Variants in HEPH observed in about 807,000 individuals in gnomAD.
HEPH encodes hephaestin.
Under a neutral mutation model 80.8 loss-of-function variants are expected in HEPH, and 69 were observed. The observed-to-expected ratio is 0.85, with a 90% CI of 0.70 to 1.04. HEPH has a LOEUF of 1.04. HEPH is among the 50% of genes least tolerant of loss of function. The pLI is 0.00. For missense variants in HEPH, 1,115 were observed against 891.3 expected, an observed-to-expected ratio of 1.25 and a Z score of -3.20; for synonymous variants, 431 against 322.8, an observed-to-expected ratio of 1.34 and a Z score of -3.60.
chrX:66,200,182 G>A (rs182925936), intron 11 of HEPH, among the ~76,000 whole-genome samples: 1 of 107,181 alleles, frequency 9.3e-6, no homozygotes, highest in Non-Finnish European at 1.9e-5. Context: ...GGACCAGAAA[G>A]TATGTTGCCA....
chrX:66,197,905 G>T lies in HEPH; in HGVS notation c.1713+11G>T. On this transcript the variant is annotated intron_variant, in intron 10 of 20. Transcript: ENST00000343002. Reference sequence around the variant, plus strand: ...GCAGATGGCAAGCAGGTATTGTCAGGGTTATCTGGCTGGAAAGCCTGCTGG... The same window carrying T: ...GCAGATGGCAAGCAGGTATTGTCAGTGTTATCTGGCTGGAAAGCCTGCTGG... 1 of 1,178,545 alleles carries T rather than the reference G, an allele frequency of 8.5e-7. No individual in the cohort carries two copies. Among genetic ancestry groups the T allele is most frequent in the Non-Finnish European group, 1.1e-6 (1 of 876,349 alleles).
Position 66,256,275 on chromosome X carries a change from T to G in HEPH, c.2841T>G (p.Asp947Glu). Reference protein sequence around the residue: ...EENVATHGSQDPGSINLQDET... With the variant: ...EENVATHGSQEPGSINLQDET... ...ATGTGGCAACCCATGGGTCCCAGGA[T>G]CCAGGCAGTATTAACCTACAGGATG... The change falls in exon 17 of 21, where the codon GAT becomes GAG. Residue 947 changes from aspartate (D) to glutamate (E), a missense_variant. Asp to Glu is a conservative substitution (Grantham distance 45, BLOSUM62 2). Around this residue, in one of 3 missense-constraint regions of HEPH, gnomAD observed 716 missense variants for 523.5 expected, o/e 1.37. Transcript: ENST00000343002. 8.3e-7 allele frequency: 1 copy of G among 1,211,105 alleles called. No homozygotes were observed. The highest frequency in any genetic ancestry group is 1.1e-6 in the Non-Finnish European group (1 of 895,001).
intron 16 of HEPH, 142 bp from the exon 17 acceptor site, chrX:66,255,962 TG>T: frequency 4.5e-6 from 2 of 446,129 alleles, no homozygotes; most frequent in Non-Finnish European, 7.8e-6. Flanking sequence ...AATAACATAG[TG>T]GGGTACTTAT....
intron 15 of HEPH, among the ~76,000 whole-genome samples, chrX:66,229,376 T>C (rs1331617750): frequency 9.0e-6 from 1 of 111,715 alleles, no homozygotes; most frequent in Admixed American, 9.5e-5. Flanking sequence ...TCGTATATTC[T>C]CACTCATAAG....
chrX:66,199,103 A>T, intron 11 of HEPH, 75 bp downstream of exon 11: 1 of 1,005,668 alleles, frequency 9.9e-7, no homozygotes, highest in Admixed American at 2.4e-5. Context: ...AATCATGACC[A>T]ATCCTGAAAA....
chrX:66,203,670 G>T (rs1260748731), intron 13 of HEPH, 93 bp downstream of exon 13: 2 of 764,830 alleles, frequency 2.6e-6, no homozygotes, highest in Non-Finnish European at 3.8e-6. Flanking sequence ...TCTTATCTCA[G>T]GTCTCCTAAT....
chrX:66,235,973 T>G lies in HEPH; in HGVS notation c.2564-19062T>G, dbSNP rs747291423. Among the ~76,000 whole-genome samples, 5 of 112,321 alleles carry G rather than the reference T, an allele frequency of 4.5e-5. No homozygotes were observed. In the South Asian group the frequency reaches 1.9e-3, roughly 42 times the overall value. On this transcript the variant is annotated intron_variant, in intron 15 of 20. Transcript: ENST00000343002. ...AATGCTAGTGATTTTCCTGAGACTT[T>G]GCTGAAGTTGCTTATCAGCTTAAGA... is the stretch of plus-strand genomic sequence containing the variant.
chrX:66,221,780 A>G lies in HEPH; in HGVS notation c.2563+13534A>G, dbSNP rs139056315. ...TGGTTGTAATAGATGTAGTTTATCC[A>G]ATTTACATTTTTATTAACTGTCACC... On this transcript the variant is annotated intron_variant, in intron 15 of 20. Coordinates refer to ENST00000343002, the MANE Select transcript of HEPH (RefSeq NM_001367233.3). Among the ~76,000 whole-genome samples the G allele has an allele frequency of 3.7e-3, 421 of 112,758 alleles. 4 individuals carry two copies. The highest frequency in any genetic ancestry group is 0.013 in the African/African-American group (399 of 31,055).
chrX:66,247,733 A>C (rs1259919244), intron 15 of HEPH, among the ~76,000 whole-genome samples: 1 of 111,395 alleles, frequency 9.0e-6, no homozygotes, highest in Non-Finnish European at 1.9e-5. Context: ...AACTTTTCTC[A>C]AGGCTTGTTT....
At chrX:66,201,178 CCT>C (rs1209844625) in intron 12 of HEPH, among the ~76,000 whole-genome samples, 3 of 109,540 alleles carry the variant, frequency 2.7e-5, no homozygotes, top group Non-Finnish European at 5.7e-5. Context: ...CTGATCTCTC[CCT>C]CTCTCTTTCT....
chrX:66,227,841 A>G (rs948544355), intron 15 of HEPH, among the ~76,000 whole-genome samples: 1 of 110,408 alleles, frequency 9.1e-6, no homozygotes, highest in Non-Finnish European at 1.9e-5. Flanking sequence ...ATTCCTCCAG[A>G]TTTCTTCTTT....
rs2088577073 is a variant in HEPH at position 66,203,386 on chromosome X, G to A, written c.2100G>A (p.Gln700=). The change falls in exon 13 of 21, where the codon CAG becomes CAA. Residue 700 remains glutamine, a synonymous_variant. Transcript: ENST00000343002. ...CAGGGACATTTGAGATTTATTGCCA[G>A]GCAGGCAGCCATCGAGAAGCAGGGA... The part of the protein sequence containing the change: ...DNLGTFEIYC[Q]AGSHREAGMR... The A allele has an allele frequency of 7.4e-6, 9 of 1,210,329 alleles. No individual in the cohort carries two copies. Among genetic ancestry groups the A allele is most frequent in the Non-Finnish European group, 8.9e-6 (8 of 895,042 alleles).
intron 15 of HEPH, among the ~76,000 whole-genome samples, chrX:66,239,003 TG>T (rs2090466475): frequency 1.8e-5 from 2 of 112,652 alleles, no homozygotes. Context: ...TTTTCTGCCC[TG>T]GGTGGGCCAG....
intron 4 of HEPH, among the ~76,000 whole-genome samples, chrX:66,174,999 C>T (rs970931745): frequency 1.8e-4 from 20 of 111,232 alleles, no homozygotes; most frequent in Admixed American, 5.7e-4. Flanking sequence ...TTCCTGTTGG[C>T]GTGCAAAAAC....
At chrX:66,231,673 T>A (rs1386512834) in intron 15 of HEPH, among the ~76,000 whole-genome samples, 3 of 109,529 alleles carry the variant, frequency 2.7e-5, no homozygotes, top group African/African-American at 1.0e-4. Context: ...TAAGGAGATT[T>A]TGGGCTGAGA....
At chrX:66,229,412 A>C (rs982457482) in intron 15 of HEPH, among the ~76,000 whole-genome samples, 4 of 110,654 alleles carry the variant, frequency 3.6e-5, no homozygotes, top group African/African-American at 1.3e-4. Flanking sequence ...GAGGATGCAA[A>C]TGCATAAGAA....
chrX:66,234,622 A>T (rs750858072), intron 15 of HEPH, among the ~76,000 whole-genome samples: 111 of 105,176 alleles, frequency 1.1e-3, no homozygotes, highest in African/African-American at 3.6e-3. Context: ...TGGGTATGAG[A>T]TGTTATCTCA....
chrX:66,254,481 G>C (rs1190711280), intron 15 of HEPH, among the ~76,000 whole-genome samples: 1 of 111,324 alleles, frequency 9.0e-6, no homozygotes, highest in Non-Finnish European at 1.9e-5. Context: ...TTTTCCTGGT[G>C]CTGTCAGGAC....
intron 15 of HEPH, among the ~76,000 whole-genome samples, chrX:66,232,992 A>G (rs1027632735): frequency 1.5e-4 from 17 of 111,167 alleles, no homozygotes; most frequent in East Asian, 5.6e-4. Context: ...TATATCAATT[A>G]TAGTACCTTA....
Sources: allele counts gnomAD v4.1 joint callset (sites outside exome capture counted in the v4.1 genomes callset), GRCh38; gene constraint gnomAD v4.1.1; regional missense constraint gnomAD v4.1.1; transcripts MANE v1.5; gene names NCBI Gene and HGNC (gene_info 2026-07-23, HGNC 2026-07-21).